The following EFCAB5 variants were observed in gnomAD, a reference collection of about 807,000 sequenced individuals.
The protein encoded by EFCAB5 is EF-hand calcium-binding domain-containing protein 5.
Under a neutral mutation model 167.9 loss-of-function variants are expected in EFCAB5, and 131 were observed. That is an observed-to-expected ratio of 0.78 (90% CI 0.68 to 0.90). The LOEUF (loss-of-function observed/expected upper bound fraction) is 0.90. Among genes scored for constraint, EFCAB5 ranks in the 40% least tolerant of loss-of-function variants. The pLI, the probability that EFCAB5 is intolerant of heterozygous loss-of-function variation, is 0.00. For missense variants in EFCAB5, 1,663 were observed against 1,745.2 expected, an observed-to-expected ratio of 0.95 and a Z score of 0.84; for synonymous variants, 574 against 602.8, an observed-to-expected ratio of 0.95 and a Z score of 0.70.
chr17:29,989,457 G>A (rs542955854), intron 4 of EFCAB5, among the ~76,000 whole-genome samples: 29 of 152,278 alleles, frequency 1.9e-4, no homozygotes, highest in African/African-American at 6.5e-4. Flanking sequence ...TTAGCAGGCC[G>A]CAGGTTGTTT....
intron 4 of EFCAB5, among the ~76,000 whole-genome samples, chr17:29,973,722 C>T (rs1036178191): frequency 2.0e-5 from 3 of 151,702 alleles, no homozygotes; most frequent in Non-Finnish European, 2.9e-5. Context: ...GTGATCCACC[C>T]GCCTCGGCCT....
chr17:30,006,491 C>T lies in EFCAB5; in HGVS notation c.1044+6515C>T, dbSNP rs1416058946. 2.0e-5 allele frequency among the ~76,000 whole-genome samples: 3 copies of T among 151,780 alleles called. No homozygotes were observed. In the East Asian group the frequency reaches 5.8e-4, roughly 29 times the overall value. ...GGTGAGAATCTAACTTAATTTTTTC[C>T]CCCTAAAATGGCTAGCAAAGCATAT... On this transcript the variant is annotated intron_variant, in intron 7 of 22. Coordinates refer to ENST00000394835, the MANE Select transcript of EFCAB5 (RefSeq NM_198529.4).
Position 29,968,804 on chromosome 17 carries a change from G to A in EFCAB5, c.204G>A (p.Glu68=). ...TTTTCCCCTCAGAATTAAACCTGGA[G>A]GGGCAGCGAAAAATTTCACCTGGTT... ...DEIKSQELNL[E]GQRKISPGSI... is the part of the protein sequence containing the mutation. The change falls in exon 4 of 23, where the codon GAG becomes GAA. Residue 68 remains glutamate, a synonymous_variant. Coordinates refer to ENST00000394835, the MANE Select transcript of EFCAB5 (RefSeq NM_198529.4). 6.7e-7 allele frequency: 1 copy of A among 1,495,530 alleles called. No homozygotes were observed. The allele number at this position is 1,495,530 out of a possible 1,614,324, so 92.6% of individuals were successfully genotyped here.
chr17:30,058,931 A>G (rs913671477), intron 13 of EFCAB5: 7 of 151,920 alleles, frequency 4.6e-5, no homozygotes, highest in Non-Finnish European at 1.0e-4. Flanking sequence ...CTGAACAACT[A>G]GAGAAGGAGT....
chr17:30,003,682 T>G (rs2068715920), intron 7 of EFCAB5, among the ~76,000 whole-genome samples: 1 of 152,138 alleles, frequency 6.6e-6, no homozygotes. Flanking sequence ...GCTGAGACTT[T>G]TAAGTTTTTA....
At chr17:30,069,403 A>G in intron 14 of EFCAB5, 1 of 1,534,300 alleles carries the variant, frequency 6.5e-7, no homozygotes, top group East Asian at 2.3e-5. Flanking sequence ...TCAAAGGGAG[A>G]GTGGTTGAGA....
At chr17:30,087,020 TG>T (rs750785463) in intron 18 of EFCAB5, 42 bp from the exon 19 acceptor site, 2 of 1,558,512 alleles carry the variant, frequency 1.3e-6, no homozygotes, top group Admixed American at 3.4e-5. Flanking sequence ...AATGAGAATA[TG>T]AGGTCTAATT....
rs116951917 is a variant in EFCAB5 at position 30,058,826 on chromosome 17, G to C, written c.2581-719G>C. On this transcript the variant is annotated intron_variant, in intron 13 of 22. Transcript: ENST00000394835. ...TGAAGTTACAGTGAACTGTAATTAT[G>C]CCACTCTATTCCATCCTGGGTGACA... Among the ~76,000 whole-genome samples the C allele has an allele frequency of 3.7e-3, 563 of 152,016 alleles. 2 individuals are homozygous for C. The highest frequency in any genetic ancestry group is 0.014 in the Middle Eastern group (4 of 294).
At chr17:30,100,788 A>G (rs975492860) in intron 22 of EFCAB5, among the ~76,000 whole-genome samples, 1 of 152,146 alleles carries the variant, frequency 6.6e-6, no homozygotes, top group African/African-American at 2.4e-5. Flanking sequence ...GTGAGATTTA[A>G]GCAAAGATGT....
chr17:29,940,816 G>T (rs1237351597), upstream of EFCAB5, among the ~76,000 whole-genome samples: 1 of 152,062 alleles, frequency 6.6e-6, no homozygotes, highest in Admixed American at 6.6e-5. Flanking sequence ...GAGGAGGGTG[G>T]ATCACTTGAG....
In EFCAB5 at chr17:30,080,894, G is replaced by GAGGATCT; in HGVS notation, c.3340_3346dup (p.Phe1116Ter). 6.2e-7 allele frequency: 1 copy of GAGGATCT among 1,613,820 alleles called. No homozygotes were observed. The highest frequency in any genetic ancestry group is 1.1e-5 in the South Asian group (1 of 91,074). On this transcript the variant is annotated frameshift_variant, in exon 17 of 23. Transcript: ENST00000394835. LOFTEE classifies it high-confidence loss of function. ...CTCTGCCTCTTCAAGATGCATATAT[G>GAGGATCT]AGGATCTTTGGGGTCTTGGCTGTTG...
intron 3 of EFCAB5, among the ~76,000 whole-genome samples, chr17:29,962,694 G>A (rs1189678676): frequency 7.0e-6 from 1 of 143,546 alleles, no homozygotes; most frequent in African/African-American, 2.6e-5. Flanking sequence ...TTGTTCAATA[G>A]CTCTAGTAGC....
chr17:30,007,756 G>C (rs116701911), intron 7 of EFCAB5, among the ~76,000 whole-genome samples: 1 of 152,178 alleles, frequency 6.6e-6, no homozygotes, highest in Non-Finnish European at 1.5e-5. Flanking sequence ...GAAGGCCAAG[G>C]CTGGAGGATC....
intron 17 of EFCAB5, among the ~76,000 whole-genome samples, chr17:30,082,068 T>G (rs2070997876): frequency 6.6e-6 from 1 of 152,172 alleles, no homozygotes; most frequent in African/African-American, 2.4e-5. Context: ...CCCTTCTCTG[T>G]GGAACAGGGT....
At position 30,053,633 on chromosome 17, in the gene EFCAB5, G is replaced by A. The variant is rs763579493; in HGVS notation, c.1679G>A (p.Arg560Lys). 6.8e-6 allele frequency: 11 copies of A among 1,613,838 alleles called. No homozygotes were observed. The Admixed American group carries it at 1.8e-4, about 27-fold the overall frequency. ...TCAACTCTAGAACAAGGGTCAAGTA[G>A]AAGGTTACTGACAGAACAAGAAACA... The part of the protein sequence containing the change: ...TESTLEQGSS[R>K]RLLTEQETHR... Residue 560 changes from arginine (R) to lysine (K), a missense_variant, in exon 10 of 23, where the codon AGA becomes AAA. Physicochemically the swap from Arg to Lys is conservative, Grantham distance 26. Coordinates refer to ENST00000394835, the MANE Select transcript of EFCAB5 (RefSeq NM_198529.4).
In EFCAB5 at chr17:30,053,575, G is replaced by A; in HGVS notation, c.1621G>A (p.Glu541Lys). ...AACTGCAGAGCAAGAACTGTACATA[G>A]AATCAGTAATAGAACCAGGAACACA... is the stretch of plus-strand genomic sequence containing the variant. Reference protein sequence around the residue: ...KPTAEQELYIESVIEPGTHTE... With the variant: ...KPTAEQELYIKSVIEPGTHTE... Residue 541 changes from glutamate to lysine, a missense_variant, in exon 10 of 23, where the codon GAA (glutamate) becomes AAA (lysine). Coordinates refer to ENST00000394835, the MANE Select transcript of EFCAB5 (RefSeq NM_198529.4). The A allele has an allele frequency of 1.2e-6, 2 of 1,613,872 alleles. No homozygotes were observed. Among genetic ancestry groups the A allele is most frequent in the Non-Finnish European group, 8.5e-7 (1 of 1,179,862 alleles).
At chr17:30,061,588 T>A (rs1219622253) in intron 14 of EFCAB5, among the ~76,000 whole-genome samples, 1 of 152,150 alleles carries the variant, frequency 6.6e-6, no homozygotes, top group African/African-American at 2.4e-5. Context: ...CCCCACCTTT[T>A]TTTTAGAGAC....
intron 7 of EFCAB5, among the ~76,000 whole-genome samples, 183 bp downstream of exon 7, chr17:30,000,159 G>T (rs2068631640): frequency 6.6e-6 from 1 of 152,064 alleles, no homozygotes; most frequent in Non-Finnish European, 1.5e-5. Context: ...CTTTCAATCA[G>T]TATCACGCAT....
chr17:30,062,543 C>T (rs1043071701), intron 14 of EFCAB5, among the ~76,000 whole-genome samples: 2 of 152,376 alleles, frequency 1.3e-5, no homozygotes, highest in East Asian at 3.8e-4. Flanking sequence ...TACCTGTGCT[C>T]TCCCCAGAAA....
Sources: allele counts gnomAD v4.1 joint callset (sites outside exome capture counted in the v4.1 genomes callset), GRCh38; gene constraint gnomAD v4.1.1; transcripts MANE v1.5; gene names NCBI Gene and HGNC (gene_info 2026-07-23, HGNC 2026-07-21).